The following TTC28 variants were observed in gnomAD, a reference collection of about 807,000 sequenced individuals.
The protein encoded by TTC28 is tetratricopeptide repeat protein 28.
In TTC28, 61 loss-of-function variants were observed where a neutral mutation model predicts 198.0. The ratio of observed to expected loss-of-function variants is 0.31; its 90% CI spans 0.25 to 0.38. The LOEUF (loss-of-function observed/expected upper bound fraction) is 0.38. Among genes scored for constraint, TTC28 ranks in the 10% least tolerant of loss-of-function variants. The pLI, the probability that TTC28 is intolerant of heterozygous loss-of-function variation, is 1.00. For synonymous variants in TTC28, 1,171 were observed against 1,297.8 expected (o/e 0.90, Z 2.10); for missense variants, 2,678 against 3,164.0 (o/e 0.85, Z 3.69).
intron 5 of TTC28, among the ~76,000 whole-genome samples, chr22:28,166,985 G>C (rs1046613613): frequency 2.0e-5 from 3 of 151,910 alleles, no homozygotes; most frequent in Non-Finnish European, 4.4e-5. Flanking sequence ...AACGACAAAG[G>C]GGATATGACC....
At chr22:28,190,665 C>G (rs894886657) in intron 5 of TTC28, among the ~76,000 whole-genome samples, 2 of 152,214 alleles carry the variant, frequency 1.3e-5, no homozygotes, top group African/African-American at 4.8e-5. Flanking sequence ...TCTGACAACT[C>G]TGACCCATAT....
chr22:28,544,585 G>T (rs1464641742), intron 2 of TTC28, among the ~76,000 whole-genome samples: 1 of 152,156 alleles, frequency 6.6e-6, no homozygotes, highest in African/African-American at 2.4e-5. Flanking sequence ...TTCCCAGGAG[G>T]TAAGACATTC....
chr22:28,091,584 A>G (rs186264794), intron 12 of TTC28, among the ~76,000 whole-genome samples: 6 of 152,276 alleles, frequency 3.9e-5, no homozygotes, highest in Non-Finnish European at 8.8e-5. Context: ...TTCTAATACT[A>G]TCGAAAGGAG....
chr22:28,448,616 C>A (rs148777484), intron 2 of TTC28, among the ~76,000 whole-genome samples: 27 of 152,274 alleles, frequency 1.8e-4, no homozygotes, highest in African/African-American at 6.5e-4. Context: ...TTTGACACCA[C>A]AAAAATGTTG....
chr22:28,139,978 C>T (rs1222243018), intron 6 of TTC28, among the ~76,000 whole-genome samples: 1 of 152,120 alleles, frequency 6.6e-6, no homozygotes, highest in Non-Finnish European at 1.5e-5. Context: ...TCAGCAGCTC[C>T]CATGATGAGG....
intron 5 of TTC28, among the ~76,000 whole-genome samples, chr22:28,283,498 T>C (rs1290679980): frequency 2.0e-5 from 3 of 152,120 alleles, no homozygotes; most frequent in Non-Finnish European, 2.9e-5. Context: ...TCAAAAATCA[T>C]CTAATTAATT....
intron 2 of TTC28, among the ~76,000 whole-genome samples, chr22:28,590,382 G>A (rs1412003534): frequency 6.6e-6 from 1 of 151,936 alleles, no homozygotes; most frequent in African/African-American, 2.4e-5. Context: ...GCCCACCTTG[G>A]CCTCCTAAAG....
chr22:27,987,057 T>C (rs1330897851), intron 21 of TTC28, among the ~76,000 whole-genome samples: 1 of 152,168 alleles, frequency 6.6e-6, no homozygotes, highest in African/African-American at 2.4e-5. Context: ...AAAGGGGGCA[T>C]TTCTTGGAGC....
chr22:28,564,696 T>C (rs1214688980), intron 2 of TTC28, among the ~76,000 whole-genome samples: 1 of 151,638 alleles, frequency 6.6e-6, no homozygotes, highest in Non-Finnish European at 1.5e-5. Flanking sequence ...TAACAAGATA[T>C]ATTAGAATAC....
intron 2 of TTC28, among the ~76,000 whole-genome samples, chr22:28,619,276 C>A (rs1374855806): frequency 6.6e-6 from 1 of 152,060 alleles, no homozygotes; most frequent in Non-Finnish European, 1.5e-5. Flanking sequence ...TTTATTTAAT[C>A]CTCACTACAA....
chr22:28,315,249 T>C (rs1181017863), intron 2 of TTC28, among the ~76,000 whole-genome samples: 1 of 152,002 alleles, frequency 6.6e-6, no homozygotes, highest in Non-Finnish European at 1.5e-5. Flanking sequence ...AAGACTTTTA[T>C]GCCATTTGGA....
intron 5 of TTC28, among the ~76,000 whole-genome samples, chr22:28,206,218 T>C (rs1290946546): frequency 1.3e-5 from 2 of 152,168 alleles, no homozygotes; most frequent in African/African-American, 4.8e-5. Context: ...TAAGTGATGA[T>C]AAATGTATGC....
chr22:28,202,699 C>G (rs186778462), intron 5 of TTC28, among the ~76,000 whole-genome samples: 9 of 152,126 alleles, frequency 5.9e-5, no homozygotes, highest in Non-Finnish European at 1.0e-4. Flanking sequence ...TAGAGGTGCA[C>G]GCACTGTCTA....
At chr22:28,013,975 A>G (rs940649693) in intron 14 of TTC28, among the ~76,000 whole-genome samples, 4 of 152,096 alleles carry the variant, frequency 2.6e-5, no homozygotes, top group African/African-American at 9.7e-5. Context: ...GGCTGAATGT[A>G]CCCGGCTTGT....
At chr22:28,487,572 C>T (rs1009015471) in intron 2 of TTC28, among the ~76,000 whole-genome samples, 2 of 152,088 alleles carry the variant, frequency 1.3e-5, no homozygotes, top group African/African-American at 4.8e-5. Context: ...CCTCCACAAT[C>T]CCTAACGCTA....
intron 5 of TTC28, among the ~76,000 whole-genome samples, chr22:28,166,211 C>T (rs1921924184): frequency 6.6e-6 from 1 of 152,118 alleles, no homozygotes. Flanking sequence ...CTTTGACTCC[C>T]ACTCAATAAT....
intron 2 of TTC28, among the ~76,000 whole-genome samples, chr22:28,494,100 G>A (rs1181285159): frequency 6.6e-6 from 1 of 152,080 alleles, no homozygotes; most frequent in Non-Finnish European, 1.5e-5. Context: ...GGGTGATAAT[G>A]GTGCAGCCAT....
chr22:28,517,613 G>A (rs1425491592), intron 2 of TTC28, among the ~76,000 whole-genome samples: 4 of 152,178 alleles, frequency 2.6e-5, no homozygotes, highest in Non-Finnish European at 5.9e-5. Flanking sequence ...CCAATGGCAA[G>A]GCTATTTTCG....
chr22:28,532,379 C>T (rs1601525322), intron 2 of TTC28, among the ~76,000 whole-genome samples: 1 of 152,098 alleles, frequency 6.6e-6, no homozygotes, highest in Non-Finnish European at 1.5e-5. Context: ...TCCCTGAATA[C>T]ACCAATAACA....
Sources: gnomAD v4.1 joint callset for allele counts (sites outside exome capture counted in the v4.1 genomes callset) on GRCh38, gnomAD v4.1.1 for gene constraint, MANE v1.5 for transcripts, NCBI Gene and HGNC (gene_info 2026-07-23, HGNC 2026-07-21) for gene names.